The following MDFIC variants were observed in gnomAD, a reference collection of about 807,000 sequenced individuals.
The protein encoded by MDFIC is myoD family inhibitor domain-containing protein.
In MDFIC, 17 loss-of-function variants were observed where a neutral mutation model predicts 23.2. The ratio of observed to expected loss-of-function variants is 0.73; its 90% CI spans 0.50 to 1.10. MDFIC has a LOEUF of 1.10. Ranked by LOEUF, MDFIC falls within the 50% of genes least tolerant of loss-of-function variation. The probability of loss-of-function intolerance (pLI) is 0.00; values close to 1 mark genes in which losing one functional copy is unlikely to be tolerated. For missense variants in MDFIC, 356 were observed against 316.6 expected, an observed-to-expected ratio of 1.12 and a Z score of -0.95; for synonymous variants, 120 against 115.2, an observed-to-expected ratio of 1.04 and a Z score of -0.27.
At chr7:114,961,039 GAGA>G (rs1211543830) in intron 3 of MDFIC, among the ~76,000 whole-genome samples, 1 of 152,108 alleles carries the variant, frequency 6.6e-6, no homozygotes, top group Non-Finnish European at 1.5e-5. Context: ...ATTTAGACCT[GAGA>G]AGAAGAGTGT....
chr7:114,964,808 C>T (rs1413260902), intron 3 of MDFIC, among the ~76,000 whole-genome samples: 1 of 152,178 alleles, frequency 6.6e-6, no homozygotes, highest in East Asian at 1.9e-4. Context: ...CTCGGCCTCC[C>T]AAAGTGCTGG....
intron 3 of MDFIC, among the ~76,000 whole-genome samples, chr7:114,952,657 A>G (rs1318842993): frequency 1.3e-5 from 2 of 152,178 alleles, no homozygotes; most frequent in Non-Finnish European, 2.9e-5. Context: ...TTAATTAAGT[A>G]TATTTTCCAT....
chr7:115,009,283 T>C (rs757649866), intron 4 of MDFIC, among the ~76,000 whole-genome samples: 25 of 152,206 alleles, frequency 1.6e-4, no homozygotes, highest in Non-Finnish European at 1.0e-4. Context: ...CTGCTGTCTG[T>C]CCTTTCCTGT....
Position 115,015,964 on chromosome 7 carries a change from GGA to G in MDFIC, c.*33_*34del, listed in dbSNP as rs767437782. 6.3e-7 allele frequency: 1 copy of G among 1,589,554 alleles called. No homozygotes were observed. The highest frequency in any genetic ancestry group is 1.8e-5 in the Admixed American group (1 of 56,880). On this transcript the variant is annotated 3_prime_UTR_variant, in exon 5 of 5. Coordinates refer to ENST00000393486, the MANE Select transcript of MDFIC (RefSeq NM_001166345.3). ...TTTATCTTTTGTTTGTGTTAAAACT[GGA>G]GAGTGTTTAAAAATTTCCTTTTGGG...
rs1791811525 is a variant in MDFIC, at chr7:115,017,106, C to T, written c.*1171C>T. 6.6e-6 allele frequency: 1 copy of T among 152,178 alleles called. No individual in the cohort carries two copies. Among genetic ancestry groups the T allele is most frequent in the Non-Finnish European group, 1.5e-5 (1 of 68,034 alleles). 9.4% of individuals were successfully genotyped at this position (152,178 alleles called of 1,614,324 possible). ...TTTTTGACAAAGATTTAGGTGGACA[C>T]CCTAAACTGTGTGTGCCTTTAACCA... On this transcript the variant is annotated 3_prime_UTR_variant, in exon 5 of 5. Transcript: ENST00000393486.
chr7:114,991,842 T>C (rs966431847), intron 4 of MDFIC, among the ~76,000 whole-genome samples: 1 of 152,232 alleles, frequency 6.6e-6, no homozygotes, highest in African/African-American at 2.4e-5. Context: ...GGCTCTTTTT[T>C]GGTTCCATAT....
At chr7:114,993,523 C>T (rs1009465836) in intron 4 of MDFIC, among the ~76,000 whole-genome samples, 4 of 152,064 alleles carry the variant, frequency 2.6e-5, no homozygotes, top group Non-Finnish European at 5.9e-5. Flanking sequence ...CTGCTTTAAA[C>T]GTGTCCCAGA....
chr7:114,923,091 G>A lies in MDFIC; in HGVS notation c.58G>A (p.Glu20Lys). ...GCCCGTGGGGCCGCAGCGCGTGGCC[G>A]AGGCGGGCGGCGGCCAGCTGGGCTC... ...PGPVGPQRVAEAGGGQLGSTA... is the reference protein window; with the variant it reads ...PGPVGPQRVAKAGGGQLGSTA... The change falls in exon 2 of 5, where the codon GAG (glutamate) becomes AAG (lysine). Residue 20 changes from glutamate (E) to lysine (K), a missense_variant. Physicochemically the swap from Glu to Lys is moderately conservative, Grantham distance 56. Transcript: ENST00000393486. 2 of 1,442,522 alleles carry A rather than the reference G, an allele frequency of 1.4e-6. No individual in the cohort carries two copies. The highest frequency in any genetic ancestry group is 1.3e-5 in the South Asian group (1 of 75,956). The allele number at this position is 1,442,522 out of a possible 1,614,324, so 89.4% of individuals were successfully genotyped here.
intron 3 of MDFIC, among the ~76,000 whole-genome samples, chr7:114,952,023 C>T (rs1266339673): frequency 6.6e-6 from 1 of 152,228 alleles, no homozygotes; most frequent in Non-Finnish European, 1.5e-5. Flanking sequence ...CGTAGTTTCG[C>T]ACCCATGATG....
chr7:114,978,460 T>C (rs1793356429), intron 3 of MDFIC, among the ~76,000 whole-genome samples: 1 of 152,138 alleles, frequency 6.6e-6, no homozygotes, highest in Non-Finnish European at 1.5e-5. Flanking sequence ...ATAAAACCTC[T>C]GCCCATTTTT....
In MDFIC at chr7:114,999,574, A is replaced by C. The variant is rs919607677; in HGVS notation, c.494-16114A>C. ...ACTATTGTGGTTTTGAGAATATTTT[A>C]TAATTAATATATATAATTCTCAACT... is the stretch of plus-strand genomic sequence containing the variant. On this transcript the variant is annotated intron_variant, in intron 4 of 4. Transcript: ENST00000393486. Among the ~76,000 whole-genome samples the C allele has an allele frequency of 5.3e-5, 8 of 152,152 alleles. No individual in the cohort carries two copies. In the South Asian group the frequency reaches 1.4e-3, roughly 28 times the overall value.
At chr7:114,926,278 AG>A (rs1289435398) in intron 2 of MDFIC, among the ~76,000 whole-genome samples, 1 of 152,214 alleles carries the variant, frequency 6.6e-6, no homozygotes, top group Non-Finnish European at 1.5e-5. Flanking sequence ...TTTTTAAATA[AG>A]GGAAAGGATG....
rs1452428395 is a variant in MDFIC at position 115,017,109 on chromosome 7, TA to T, written c.*1177del. On this transcript the variant is annotated 3_prime_UTR_variant, in exon 5 of 5. Transcript: ENST00000393486. ...TTGACAAAGATTTAGGTGGACACCC[TA>T]AACTGTGTGTGCCTTTAACCAGTTA... 2 of 152,222 alleles carry T rather than the reference TA, an allele frequency of 1.3e-5. No homozygotes were observed. The highest frequency in any genetic ancestry group is 4.8e-5 in the African/African-American group (2 of 41,470). The allele number at this position is 152,222 out of a possible 1,614,324, so 9.4% of individuals were successfully genotyped here. A position where few individuals can be genotyped will look rare whatever the true frequency, so the allele number is the denominator to read the frequency against.
At chr7:114,986,951 G>A (rs915472598) in intron 4 of MDFIC, among the ~76,000 whole-genome samples, 1 of 152,192 alleles carries the variant, frequency 6.6e-6, no homozygotes, top group Non-Finnish European at 1.5e-5. Context: ...AAAAAAGTGA[G>A]TTAGGAGTGT....
intron 4 of MDFIC, among the ~76,000 whole-genome samples, chr7:114,983,820 C>T (rs943487186): frequency 6.6e-6 from 1 of 152,006 alleles, no homozygotes. Context: ...ATCCGCCCAC[C>T]TCGGCATCCC....
chr7:114,960,494 G>T (rs184724867), intron 3 of MDFIC, among the ~76,000 whole-genome samples: 2 of 151,914 alleles, frequency 1.3e-5, no homozygotes, highest in African/African-American at 2.4e-5. Flanking sequence ...AAAAAACCCC[G>T]CAAACACATA....
At chr7:114,937,011 C>A (rs1188794741) in intron 2 of MDFIC, among the ~76,000 whole-genome samples, 1 of 151,780 alleles carries the variant, frequency 6.6e-6, no homozygotes, top group Non-Finnish European at 1.5e-5. Flanking sequence ...ATTATTAATG[C>A]TCTTAGATTT....
At chr7:114,960,428 G>A (rs1792966826) in intron 3 of MDFIC, among the ~76,000 whole-genome samples, 1 of 152,086 alleles carries the variant, frequency 6.6e-6, no homozygotes, top group South Asian at 2.1e-4. Flanking sequence ...GATTATCCAA[G>A]AGTAAGTGGG....
chr7:114,958,776 T>TAACAAACA (rs905597703), intron 3 of MDFIC, among the ~76,000 whole-genome samples: 1 of 151,908 alleles, frequency 6.6e-6, no homozygotes, highest in Non-Finnish European at 1.5e-5. Context: ...AACAACAAAA[T>TAACAAACA]AACAAACAAA....
Sources: gnomAD v4.1 joint callset for allele counts (sites outside exome capture counted in the v4.1 genomes callset) on GRCh38, gnomAD v4.1.1 for gene constraint, MANE v1.5 for transcripts, NCBI Gene and HGNC (gene_info 2026-07-23, HGNC 2026-07-21) for gene names.